RTF1: variants seen among roughly 807,000 people sequenced by gnomAD.
The protein encoded by RTF1 is RNA polymerase-associated protein RTF1 homolog.
RTF1 carries 10 observed loss-of-function variants against 95.7 expected under a neutral mutation model. That is an observed-to-expected ratio of 0.10 (90% CI 0.06 to 0.18). RTF1 has a LOEUF of 0.18. RTF1 is among the 10% of genes least tolerant of loss of function. The pLI, the probability that RTF1 is intolerant of heterozygous loss-of-function variation, is 1.00. For missense variants in RTF1, 458 were observed against 875.6 expected, an observed-to-expected ratio of 0.52 and a Z score of 6.02; for synonymous variants, 305 against 311.8, an observed-to-expected ratio of 0.98 and a Z score of 0.23.
chr15:41,429,031 C>T (rs2050654311), intron 1 of RTF1, among the ~76,000 whole-genome samples: 1 of 152,176 alleles, frequency 6.6e-6, no homozygotes, highest in South Asian at 2.1e-4. Context: ...GCCACCACTC[C>T]TGGCCACAGC....
At chr15:41,428,844 G>C (rs7167729) in intron 1 of RTF1, among the ~76,000 whole-genome samples, 1 of 151,774 alleles carries the variant, frequency 6.6e-6, no homozygotes, top group Admixed American at 6.6e-5. Flanking sequence ...GGCCCAACCA[G>C]TTCTCCCACA....
chr15:41,468,477 C>T (rs988042055), intron 6 of RTF1, among the ~76,000 whole-genome samples: 1 of 152,030 alleles, frequency 6.6e-6, no homozygotes, highest in Non-Finnish European at 1.5e-5. Context: ...GCCACCACGC[C>T]CAGCTAATTT....
intron 9 of RTF1, among the ~76,000 whole-genome samples, 182 bp downstream of exon 9, chr15:41,474,884 C>A (rs573644454): frequency 3.0e-4 from 45 of 152,128 alleles, no homozygotes; most frequent in African/African-American, 1.0e-3. Flanking sequence ...AGGATATTCT[C>A]TCCTCTAGAG....
At chr15:41,432,355 G>A (rs147223502) in intron 1 of RTF1, among the ~76,000 whole-genome samples, 1,954 of 151,554 alleles carry the variant, frequency 0.013, 43 homozygotes, top group African/African-American at 0.046. Context: ...TCGCCACCAC[G>A]CCTGGCTAAT....
At chr15:41,443,767 T>G (rs1214528209) in intron 2 of RTF1, among the ~76,000 whole-genome samples, 2 of 151,438 alleles carry the variant, frequency 1.3e-5, no homozygotes, top group Admixed American at 1.3e-4. Flanking sequence ...TAGCTAGAGG[T>G]GCAATAATAG....
chr15:41,418,807 GA>G (rs1229763322), intron 1 of RTF1, among the ~76,000 whole-genome samples: 1 of 147,870 alleles, frequency 6.8e-6, no homozygotes, highest in Admixed American at 6.7e-5. Flanking sequence ...AAAAAGAAAA[GA>G]AAGAAAAAGA....
At chr15:41,477,107 TGATATG>T (rs1395828374) in intron 12 of RTF1, 52 bp from the exon 13 acceptor site, 4 of 1,610,622 alleles carry the variant, frequency 2.5e-6, no homozygotes, top group African/African-American at 1.3e-5. Context: ...AGGGGATACT[TGATATG>T]GAGTCAGTTG....
intron 4 of RTF1, among the ~76,000 whole-genome samples, chr15:41,460,172 G>A (rs2140961924): frequency 6.6e-6 from 1 of 150,688 alleles, no homozygotes; most frequent in East Asian, 1.9e-4. Context: ...GCCCAGGCTG[G>A]AGTGCAATGG....
At chr15:41,434,859 C>T (rs566661419) in intron 1 of RTF1, among the ~76,000 whole-genome samples, 22 of 152,002 alleles carry the variant, frequency 1.4e-4, no homozygotes, top group Admixed American at 1.4e-3. Context: ...GAACTCCTGA[C>T]CTCGTGATCT....
At chr15:41,468,107 A>G (rs1025307908) in intron 6 of RTF1, among the ~76,000 whole-genome samples, 2 of 152,124 alleles carry the variant, frequency 1.3e-5, no homozygotes, top group African/African-American at 4.8e-5. Context: ...TGGAGGTTGC[A>G]GTGAGCCAAG....
chr15:41,437,762 A>G (rs1169678911), intron 1 of RTF1, among the ~76,000 whole-genome samples: 1 of 152,146 alleles, frequency 6.6e-6, no homozygotes, highest in African/African-American at 2.4e-5. Flanking sequence ...TTGGGAGAAT[A>G]GGGCTTGTGA....
At position 41,469,555 on chromosome 15, in the gene RTF1, G is replaced by A. The variant is rs151165191; in HGVS notation, c.890-702G>A. 1.3e-4 allele frequency among the ~76,000 whole-genome samples: 19 copies of A among 145,018 alleles called. No homozygotes were observed. In the South Asian group the frequency reaches 2.4e-3, roughly 18 times the overall value. On this transcript the variant is annotated intron_variant, in intron 6 of 17. Coordinates refer to ENST00000389629, the MANE Select transcript of RTF1 (RefSeq NM_015138.5). ...TTTTTTTTTTTTGAGATGGAGTCTCGCTCTGTTGCCCAGGCTGGAGTGCAG... is the reference window on the plus strand; with the variant it reads ...TTTTTTTTTTTTGAGATGGAGTCTCACTCTGTTGCCCAGGCTGGAGTGCAG...
At chr15:41,432,612 TC>T (rs2050681003) in intron 1 of RTF1, among the ~76,000 whole-genome samples, 3 of 152,072 alleles carry the variant, frequency 2.0e-5, no homozygotes, top group Admixed American at 6.6e-5. Context: ...TGATAGCAAA[TC>T]CAAATTTCTC....
intron 1 of RTF1, 49 bp downstream of exon 1, chr15:41,417,362 G>T (rs1157853933): frequency 8.1e-7 from 1 of 1,241,046 alleles, no homozygotes; most frequent in Non-Finnish European, 1.0e-6. Context: ...GAGGGCTGTC[G>T]GGGCCGCGGG....
rs1369423571 is a variant in RTF1, at chr15:41,483,322, C to T, written c.*2635C>T. The T allele has an allele frequency of 2.6e-5, 4 of 152,632 alleles. No individual in the cohort carries two copies. The highest frequency in any genetic ancestry group is 6.5e-5 in the Admixed American group (1 of 15,284). 9.5% of individuals were successfully genotyped at this position (152,632 alleles called of 1,614,324 possible). A position where few individuals can be genotyped will look rare whatever the true frequency, so the allele number is the denominator to read the frequency against. The stretch of plus-strand genomic sequence containing the variant: ...GTGGTTTCAGTGTTGAAGGGTGCAG[C>T]ACCCAAGGTTGTTTTTATGCATTTT... On this transcript the variant is annotated 3_prime_UTR_variant, in exon 18 of 18. Transcript: ENST00000389629.
rs925102236 is a variant in RTF1, at chr15:41,481,506, T to C, written c.*819T>C. ...ATTCCCACCTACTCTTCCCATCCTTTCCCAACTTTGGAGAAAACTCCCCAG... is the reference window on the plus strand; with the variant it reads ...ATTCCCACCTACTCTTCCCATCCTTCCCCAACTTTGGAGAAAACTCCCCAG... On this transcript the variant is annotated 3_prime_UTR_variant, in exon 18 of 18. Coordinates refer to ENST00000389629, the MANE Select transcript of RTF1 (RefSeq NM_015138.5). 6.6e-6 allele frequency: 1 copy of C among 152,564 alleles called. No individual in the cohort carries two copies. Among genetic ancestry groups the C allele is most frequent in the African/African-American group, 2.4e-5 (1 of 41,410 alleles). The allele number at this position is 152,564 out of a possible 1,614,324, so 9.5% of individuals were successfully genotyped here. A position where few individuals can be genotyped will look rare whatever the true frequency, so the allele number is the denominator to read the frequency against.
At chr15:41,444,881 T>C (rs2050753163) in intron 2 of RTF1, among the ~76,000 whole-genome samples, 1 of 152,140 alleles carries the variant, frequency 6.6e-6, no homozygotes, top group African/African-American at 2.4e-5. Context: ...TACTTGAACT[T>C]AGTGACAGCT....
chr15:41,469,169 G>A (rs1277558445), intron 6 of RTF1, among the ~76,000 whole-genome samples: 1 of 152,102 alleles, frequency 6.6e-6, no homozygotes, highest in African/African-American at 2.4e-5. Context: ...GTTTAGCCAT[G>A]TTGGCCAGGG....
At chr15:41,476,290 GA>G (rs2050941472) in intron 11 of RTF1, among the ~76,000 whole-genome samples, 155 bp from the exon 12 acceptor site, 1 of 152,132 alleles carries the variant, frequency 6.6e-6, no homozygotes, top group South Asian at 2.1e-4. Context: ...GTATCCCTTG[GA>G]ATGAACCCGC....
Sources: allele counts gnomAD v4.1 joint callset (sites outside exome capture counted in the v4.1 genomes callset), GRCh38; gene constraint gnomAD v4.1.1; transcripts MANE v1.5; gene names NCBI Gene and HGNC (gene_info 2026-07-23, HGNC 2026-07-21).